Variants in UBC observed in about 807,000 individuals in gnomAD.
The protein encoded by UBC is ubiquitin C.
A neutral mutation model predicts 34.7 loss-of-function variants in UBC; 8 were observed. The observed-to-expected ratio is 0.23, with a 90% CI of 0.14 to 0.42. The LOEUF is 0.42. Among genes scored for constraint, UBC ranks in the 10% least tolerant of loss-of-function variants. The probability of loss-of-function intolerance (pLI) is 1.00; values close to 1 mark genes in which losing one functional copy is unlikely to be tolerated. For missense variants in UBC, 323 were observed against 750.3 expected (o/e 0.43, Z 6.65); for synonymous variants, 367 against 299.8 (o/e 1.22, Z -2.32).
In UBC at chr12:124,911,845, C is replaced by T. The variant is rs144126075; in HGVS notation, c.1927G>A (p.Gly643Ser). 1 of 1,611,640 alleles carries T rather than the reference C, an allele frequency of 6.2e-7. No individual in the cohort carries two copies. The highest frequency in any genetic ancestry group is 2.2e-5 in the East Asian group (1 of 44,786). ...AACCTCTGCTGATCAGGAGGGATGC[C>T]TTCCTTATCTTGGATCTTTGCCTTG... is the stretch of plus-strand genomic sequence containing the variant. ...NVKAKIQDKE[G>S]IPPDQQRLIF... The change falls in exon 2 of 2, where the codon GGC (glycine) becomes AGC (serine). Residue 643 changes from glycine to serine, a missense_variant. Around this residue, in one of 5 missense-constraint regions of UBC, gnomAD observed 49 missense variants for 112.6 expected, o/e 0.44. Coordinates refer to ENST00000339647, the MANE Select transcript of UBC (RefSeq NM_021009.7).
rs1466506491 is a variant in UBC, at chr12:124,914,615, A to G, written c.-32T>C. ...GTGACGATCACAGCGATCCACAAAC[A>G]AGAACTGCGACCCAAATCCCGGCTG... On this transcript the variant is annotated 5_prime_UTR_variant, in exon 1 of 2. Transcript: ENST00000339647. 1 of 152,354 alleles carries G rather than the reference A, an allele frequency of 6.6e-6. No homozygotes were observed. The allele number at this position is 152,354 out of a possible 1,614,324, so 9.4% of individuals were successfully genotyped here.
intron 1 of UBC, 173 bp from the exon 2 acceptor site, chr12:124,913,947 A>T: frequency 9.9e-7 from 1 of 1,013,856 alleles, no homozygotes; most frequent in Middle Eastern, 2.9e-4. Context: ...GCTACTTAAG[A>T]AGATAGGTAC....
At chr12:124,913,994 C>T (rs1953570000) in intron 1 of UBC, 5 of 672,230 alleles carry the variant, frequency 7.4e-6, no homozygotes, top group Admixed American at 3.1e-5. Flanking sequence ...CTCACTTATC[C>T]CTCCCCTCAC....
Position 124,913,036 on chromosome 12 carries a change from C to T in UBC, c.736G>A (p.Glu246Lys), listed in dbSNP as rs779330916. Residue 246 changes from glutamate to lysine, a missense_variant, in exon 2 of 2, where the codon GAG (glutamate) becomes AAG (lysine). Transcript: ENST00000339647. ...LTGKTITLEV[E>K]PSDTIENVKA... ...ACGTTCTCGATAGTGTCACTGGGCT[C>T]GACCTCAAGGGTGATGGTCTTGCCA... 6.2e-7 allele frequency: 1 copy of T among 1,611,184 alleles called. No homozygotes were observed.
rs747110607 is a variant in UBC, at chr12:124,913,574, G to A, written c.198C>T (p.Thr66=). The part of the protein sequence containing the change: ...LSDYNIQKES[T]LHLVLRLRGG... ...CTCTGAGACGGAGCACCAGGTGCAG[G>A]GTGGACTCTTTCTGGATGTTGTAGT... The change falls in exon 2 of 2, where the codon ACC becomes ACT. Residue 66 remains threonine, a synonymous_variant. Transcript: ENST00000339647. 7 of 1,610,492 alleles carry A rather than the reference G, an allele frequency of 4.3e-6. No homozygotes were observed. Among genetic ancestry groups the A allele is most frequent in the South Asian group, 1.1e-5 (1 of 90,802 alleles).
Position 124,912,619 on chromosome 12 carries a change from C to G in UBC, c.1153G>C (p.Val385Leu). 1 of 1,608,478 alleles carries G rather than the reference C, an allele frequency of 6.2e-7. No homozygotes were observed. The highest frequency in any genetic ancestry group is 8.5e-7 in the Non-Finnish European group (1 of 1,178,484). The change falls in exon 2 of 2, where the codon GTG (valine) becomes CTG (leucine). Residue 385 changes from valine to leucine, a missense_variant. Val to Leu is a conservative substitution (Grantham distance 32). This residue lies in a region of UBC where 66 missense variants were observed against 125.4 expected (regional missense o/e 0.53). Coordinates refer to ENST00000339647, the MANE Select transcript of UBC (RefSeq NM_021009.7). ...ATGGTCTTACCAGTCAGGGTCTTCACGAAGATCTGCATCCCACCTCTGAGA... is the reference window on the plus strand; with the variant it reads ...ATGGTCTTACCAGTCAGGGTCTTCAGGAAGATCTGCATCCCACCTCTGAGA... ...LRLRGGMQIF[V>L]KTLTGKTITL...
Position 124,912,596 on chromosome 12 carries a change from G to A in UBC, c.1176C>T (p.Thr392=). 3 of 1,601,516 alleles carry A rather than the reference G, an allele frequency of 1.9e-6. No individual in the cohort carries two copies. The highest frequency in any genetic ancestry group is 2.3e-5 in the East Asian group (1 of 44,414). ...QIFVKTLTGK[T]ITLEVEPSDT... Reference sequence around the variant, plus strand: ...CACTCGGCTCCACCTCGAGAGTGATGGTCTTACCAGTCAGGGTCTTCACGA... The same window carrying A: ...CACTCGGCTCCACCTCGAGAGTGATAGTCTTACCAGTCAGGGTCTTCACGA... The change falls in exon 2 of 2, where the codon ACC becomes ACT. Residue 392 remains threonine (T), a synonymous_variant. Coordinates refer to ENST00000339647, the MANE Select transcript of UBC (RefSeq NM_021009.7).
In UBC at chr12:124,913,784, A is replaced by C. The variant is rs547818507; in HGVS notation, c.-3-10T>G. 35 of 1,613,526 alleles carry C rather than the reference A, an allele frequency of 2.2e-5. 2 individuals carry two copies. The South Asian group carries it at 3.8e-4, about 18-fold the overall frequency. On this transcript the variant is annotated splice_polypyrimidine_tract_variant and intron_variant, in intron 1 of 1. Transcript: ENST00000339647. ...CGAAGATCTGCATTGTCTAACAAAA[A>C]AGCCAAAAACGGCCAGAATTTAGCG...
In UBC at chr12:124,913,017, T is replaced by C. The variant is rs1385669526; in HGVS notation, c.755A>G (p.Glu252Gly). 6.2e-7 allele frequency: 1 copy of C among 1,611,416 alleles called. No individual in the cohort carries two copies. Among genetic ancestry groups the C allele is most frequent in the South Asian group, 1.1e-5 (1 of 90,888 alleles). Residue 252 changes from glutamate to glycine, a missense_variant, in exon 2 of 2, where the codon GAG (glutamate) becomes GGG (glycine). Glu to Gly is a moderately conservative substitution (Grantham distance 98). Around this residue, in one of 5 missense-constraint regions of UBC, gnomAD observed 202 missense variants for 361.9 expected, o/e 0.56. Transcript: ENST00000339647. ...GTCTTGGATCTTTGCTTTGACGTTC[T>C]CGATAGTGTCACTGGGCTCGACCTC... ...TLEVEPSDTIENVKAKIQDKE... is the reference protein window; with the variant it reads ...TLEVEPSDTIGNVKAKIQDKE...
In UBC at chr12:124,913,262, C is replaced by T; in HGVS notation, c.510G>A (p.Glu170=). The change falls in exon 2 of 2, where the codon GAG becomes GAA. Residue 170 remains glutamate (E), a synonymous_variant. Transcript: ENST00000339647. Reference sequence around the variant, plus strand: ...TGACATTCTCGATGGTGTCACTGGGCTCCACCTCGAGGGTGATGGTCTTAC... The same window carrying T: ...TGACATTCTCGATGGTGTCACTGGGTTCCACCTCGAGGGTGATGGTCTTAC... ...LTGKTITLEV[E]PSDTIENVKA... is the part of the protein sequence containing the mutation. 2 of 1,611,208 alleles carry T rather than the reference C, an allele frequency of 1.2e-6. No homozygotes were observed. The highest frequency in any genetic ancestry group is 1.7e-6 in the Non-Finnish European group (2 of 1,178,632).
At chr12:124,913,833 A>G (rs1471621919) in intron 1 of UBC, 59 bp from the exon 2 acceptor site, 1 of 1,590,158 alleles carries the variant, frequency 6.3e-7, no homozygotes, top group East Asian at 2.2e-5. Flanking sequence ...TCTAACACTG[A>G]AAATTACATA....
At position 124,914,091 on chromosome 12, in the gene UBC, T is replaced by C. The variant is rs568984465; in HGVS notation, c.-3-317A>G. On this transcript the variant is annotated intron_variant, in intron 1 of 1. Coordinates refer to ENST00000339647, the MANE Select transcript of UBC (RefSeq NM_021009.7). ...GACGGAGAAAAGCCTACCGCACACC[T>C]ACCGGCAGGTGGCCCCACCCTGCAT... 5.2e-5 allele frequency: 20 copies of C among 381,582 alleles called. No homozygotes were observed. In the East Asian group the frequency reaches 8.2e-4, roughly 16 times the overall value. 23.6% of individuals were successfully genotyped at this position (381,582 alleles called of 1,614,324 possible).
Position 124,913,504 on chromosome 12 carries a change from T to C in UBC, c.268A>G (p.Thr90Ala). The change falls in exon 2 of 2, where the codon ACC (threonine) becomes GCC (alanine). Residue 90 changes from threonine to alanine, a missense_variant. Transcript: ENST00000339647. ...FVKTLTGKTI[T>A]LEVEPSDTIE... ...GTGTCACTGGGCTCGACCTCAAGGG[T>C]GATGGTCTTGCCAGTGAGTGTCTTC... 1.9e-6 allele frequency: 3 copies of C among 1,610,804 alleles called. No individual in the cohort carries two copies. The highest frequency in any genetic ancestry group is 2.5e-6 in the Non-Finnish European group (3 of 1,178,916).
In UBC at chr12:124,913,783, A is replaced by G. The variant is rs763642224; in HGVS notation, c.-3-9T>C. On this transcript the variant is annotated splice_polypyrimidine_tract_variant and intron_variant, in intron 1 of 1. Transcript: ENST00000339647. ...ACGAAGATCTGCATTGTCTAACAAA[A>G]AAGCCAAAAACGGCCAGAATTTAGC... 4 of 1,613,362 alleles carry G rather than the reference A, an allele frequency of 2.5e-6. No homozygotes were observed. Among genetic ancestry groups the G allele is most frequent in the South Asian group, 1.1e-5 (1 of 91,042 alleles).
intron 1 of UBC, 87 bp from the exon 2 acceptor site, chr12:124,913,861 A>G: frequency 3.2e-6 from 5 of 1,560,664 alleles, no homozygotes; most frequent in Middle Eastern, 1.7e-4. Flanking sequence ...AAATGATTAC[A>G]TTTCAAAAGG....
intron 1 of UBC, chr12:124,913,986 C>T: frequency 1.4e-6 from 1 of 706,906 alleles, no homozygotes; most frequent in African/African-American, 1.8e-5. Context: ...ACTGACGCCT[C>T]ACTTATCCCT....
In UBC at chr12:124,912,971, G is replaced by A. The variant is rs774538481; in HGVS notation, c.801C>T (p.Asp267=). The change falls in exon 2 of 2, where the codon GAC becomes GAT. Residue 267 remains aspartate (D), a synonymous_variant. Transcript: ENST00000339647. ...TTCCGGCAAAGATCAACCTCTGCTGGTCAGGAGGAATGCCTTCCTTGTCTT... is the reference window on the plus strand; with the variant it reads ...TTCCGGCAAAGATCAACCTCTGCTGATCAGGAGGAATGCCTTCCTTGTCTT... The part of the protein sequence containing the change: ...KIQDKEGIPP[D]QQRLIFAGKQ... 15 of 1,606,606 alleles carry A rather than the reference G, an allele frequency of 9.3e-6. No individual in the cohort carries two copies. Among genetic ancestry groups the A allele is most frequent in the South Asian group, 2.2e-5 (2 of 90,582 alleles).
chr12:124,914,640 G>A lies in UBC; in HGVS notation c.-57C>T, dbSNP rs1160288173. 1.3e-5 allele frequency: 2 copies of A among 152,360 alleles called. No homozygotes were observed. The allele number at this position is 152,360 out of a possible 1,614,324, so 9.4% of individuals were successfully genotyped here. On this transcript the variant is annotated 5_prime_UTR_variant, in exon 1 of 2. Transcript: ENST00000339647. Reference sequence around the variant, plus strand: ...AAGAACTGCGACCCAAATCCCGGCTGCGACGGAACTAGCTGTGCCACACCC... The same window carrying A: ...AAGAACTGCGACCCAAATCCCGGCTACGACGGAACTAGCTGTGCCACACCC...
chr12:124,913,999 C>T (rs956930817), intron 1 of UBC: 424 of 662,946 alleles, frequency 6.4e-4, no homozygotes, highest in Non-Finnish European at 7.2e-4. Flanking sequence ...TTATCCCTCC[C>T]CTCACCAGAG....
Sources: gnomAD v4.1 joint callset for allele counts on GRCh38, gnomAD v4.1.1 for gene constraint, gnomAD v4.1.1 regional missense constraint, MANE v1.5 for transcripts, NCBI Gene and HGNC (gene_info 2026-07-23, HGNC 2026-07-21) for gene names.